TAS2R1: variants seen among roughly 807,000 people sequenced by gnomAD.
The protein encoded by TAS2R1 is taste receptor type 2 member 1.
For missense variants in TAS2R1, 370 were observed against 353.4 expected (o/e 1.05, Z -0.38); for synonymous variants, 141 against 134.2 (o/e 1.05, Z -0.35).
chr5:9,877,147 A>G, the TAS2R1 span, among the ~76,000 whole-genome samples: 2 of 152,354 alleles, frequency 1.3e-5, no homozygotes, highest in African/African-American at 4.8e-5. Flanking sequence ...ATGGGCATTT[A>G]ACACAGAGGT....
chr5:9,735,946 G>A, the TAS2R1 span, among the ~76,000 whole-genome samples: 1 of 152,170 alleles, frequency 6.6e-6, no homozygotes, highest in African/African-American at 2.4e-5. Context: ...TGTACATCCA[G>A]CTTTCTCTGC....
intron 1 of TAS2R1, among the ~76,000 whole-genome samples, chr5:9,682,970 A>C (rs983902254): frequency 2.0e-5 from 3 of 152,154 alleles, no homozygotes; most frequent in Non-Finnish European, 4.4e-5. Flanking sequence ...TATCAACTCT[A>C]AGCAACCAAC....
At chr5:9,854,814 A>G in the TAS2R1 span, among the ~76,000 whole-genome samples, 1 of 152,212 alleles carries the variant, frequency 6.6e-6, no homozygotes, top group Non-Finnish European at 1.5e-5. Context: ...ATAAAGGCCC[A>G]TTGATCTTTT....
chr5:9,646,269 G>A (rs1040961096), intron 2 of TAS2R1, among the ~76,000 whole-genome samples: 8 of 152,162 alleles, frequency 5.3e-5, no homozygotes, highest in Middle Eastern at 3.4e-3. Context: ...TTACTCTGAC[G>A]GCTCAGATTT....
At chr5:9,683,546 G>C (rs1409722314) in intron 1 of TAS2R1, among the ~76,000 whole-genome samples, 1 of 152,126 alleles carries the variant, frequency 6.6e-6, no homozygotes, top group East Asian at 1.9e-4. Context: ...CTGGTCCTTT[G>C]GAAAAAGATC....
the TAS2R1 span, among the ~76,000 whole-genome samples, chr5:9,875,211 C>T: frequency 6.6e-6 from 1 of 152,154 alleles, no homozygotes; most frequent in Non-Finnish European, 1.5e-5. Flanking sequence ...CAGGGAAAAT[C>T]AATGAGGGAG....
At chr5:9,645,206 C>T (rs1380752197) in intron 2 of TAS2R1, among the ~76,000 whole-genome samples, 1 of 152,152 alleles carries the variant, frequency 6.6e-6, no homozygotes, top group African/African-American at 2.4e-5. Flanking sequence ...AATTGAAAGG[C>T]ATAACATCAA....
At chr5:9,829,542 T>A in the TAS2R1 span, among the ~76,000 whole-genome samples, 1 of 152,202 alleles carries the variant, frequency 6.6e-6, no homozygotes, top group Non-Finnish European at 1.5e-5. Flanking sequence ...TTAATTGTAC[T>A]GTGATTACTG....
At chr5:9,710,380 C>G (rs941341405) in intron 1 of TAS2R1, among the ~76,000 whole-genome samples, 2 of 152,244 alleles carry the variant, frequency 1.3e-5, no homozygotes, top group Non-Finnish European at 2.9e-5. Context: ...ACTCTAATTC[C>G]CCCAATAGTA....
the TAS2R1 span, among the ~76,000 whole-genome samples, chr5:9,899,184 CG>C: frequency 1.3e-5 from 2 of 152,088 alleles, no homozygotes; most frequent in African/African-American, 4.8e-5. Context: ...AGGATGGAGT[CG>C]GCACTCAGGA....
At chr5:9,696,487 A>G (rs559616322) in intron 1 of TAS2R1, among the ~76,000 whole-genome samples, 128 of 151,682 alleles carry the variant, frequency 8.4e-4, no homozygotes, top group African/African-American at 3.0e-3. Flanking sequence ...GCTTGAACCC[A>G]GAAGGCACAG....
chr5:9,691,492 C>T (rs1222488189), intron 1 of TAS2R1, among the ~76,000 whole-genome samples: 2 of 152,272 alleles, frequency 1.3e-5, no homozygotes, highest in African/African-American at 4.8e-5. Context: ...AGGAGGCTTG[C>T]CAAAGCCAGT....
the TAS2R1 span, among the ~76,000 whole-genome samples, chr5:9,783,980 G>C: frequency 6.6e-6 from 1 of 152,094 alleles, no homozygotes; most frequent in Non-Finnish European, 1.5e-5. Flanking sequence ...GTATGACCTT[G>C]GACAAATGAC....
At chr5:9,752,979 T>G in the TAS2R1 span, among the ~76,000 whole-genome samples, 1 of 152,210 alleles carries the variant, frequency 6.6e-6, no homozygotes, top group South Asian at 2.1e-4. Flanking sequence ...TCCAAGTCTT[T>G]GCTATTGTGA....
the TAS2R1 span, among the ~76,000 whole-genome samples, chr5:9,853,963 C>A: frequency 2.6e-5 from 4 of 152,214 alleles, no homozygotes; most frequent in African/African-American, 7.2e-5. Flanking sequence ...ATTTAACTCA[C>A]ACAGTCTCCC....
the TAS2R1 span, among the ~76,000 whole-genome samples, chr5:9,742,108 C>T: frequency 1.3e-5 from 2 of 152,138 alleles, no homozygotes; most frequent in Non-Finnish European, 2.9e-5. Flanking sequence ...TGGTCTCAAA[C>T]TCCTGACCTC....
At chr5:9,710,380 C>T (rs941341405) in intron 1 of TAS2R1, among the ~76,000 whole-genome samples, 2 of 152,244 alleles carry the variant, frequency 1.3e-5, no homozygotes, top group South Asian at 4.1e-4. Context: ...ACTCTAATTC[C>T]CCCAATAGTA....
intron 1 of TAS2R1, among the ~76,000 whole-genome samples, chr5:9,704,450 G>A (rs1466547340): frequency 6.6e-6 from 1 of 152,080 alleles, no homozygotes; most frequent in Non-Finnish European, 1.5e-5. Flanking sequence ...GTGAGCTGTG[G>A]TGAGATTTAA....
intron 2 of TAS2R1, among the ~76,000 whole-genome samples, chr5:9,636,691 CT>C (rs1739970500): frequency 6.6e-6 from 1 of 151,836 alleles, no homozygotes; most frequent in African/African-American, 2.4e-5. Flanking sequence ...CCCTTTTTGT[CT>C]CTTTTTTACT....
Sources: gnomAD v4.1 joint callset for allele counts (sites outside exome capture counted in the v4.1 genomes callset) on GRCh38, gnomAD v4.1.1 for gene constraint, MANE v1.5 for transcripts, NCBI Gene and HGNC (gene_info 2026-07-23, HGNC 2026-07-21) for gene names.